NENF: variants seen among roughly 807,000 people sequenced by gnomAD.
The protein encoded by NENF is neudesin.
A neutral mutation model predicts 14.8 loss-of-function variants in NENF; 6 were observed. That is an observed-to-expected ratio of 0.40 (90% CI 0.22 to 0.80). The LOEUF (loss-of-function observed/expected upper bound fraction) is 0.80, where lower values mean the gene tolerates loss of function less well. Ranked by LOEUF, NENF falls within the 30% of genes least tolerant of loss-of-function variation. The probability of loss-of-function intolerance (pLI) is 0.34; values close to 1 mark genes in which losing one functional copy is unlikely to be tolerated. For synonymous variants in NENF, 76 were observed against 95.1 expected, an observed-to-expected ratio of 0.80 and a Z score of 1.17; for missense variants, 184 against 212.7, an observed-to-expected ratio of 0.87 and a Z score of 0.84.
intron 1 of NENF, among the ~76,000 whole-genome samples, chr1:212,437,875 G>C (rs114110198): frequency 1.3e-5 from 2 of 152,110 alleles, no homozygotes; most frequent in South Asian, 4.2e-4. Context: ...AAATCTGGGC[G>C]GGGTGTGGTG....
rs150039332 is a variant in NENF, at chr1:212,442,291, C to T, written c.178-274C>T. ...CCTCCCACAGTGCTGGGATTACAGG[C>T]GTGAGTCACTGTGCCTGGCCCCTGA... is the stretch of plus-strand genomic sequence containing the variant. On this transcript the variant is annotated intron_variant, in intron 1 of 3. Transcript: ENST00000366988. Among the ~76,000 whole-genome samples, 334 of 152,358 alleles carry T rather than the reference C, an allele frequency of 2.2e-3. 1 individual carries two copies. The highest frequency in any genetic ancestry group is 7.1e-3 in the African/African-American group (296 of 41,582).
Position 212,433,051 on chromosome 1 carries a change from C to A in NENF, c.108C>A (p.Arg36=). ...CAGCCCGGGCCGGGCAGACACCGCG[C>A]CCTGCCGAGCGGGGGCCCCCAGTGC... ...LPTARAGQTP[R]PAERGPPVRL... The change falls in exon 1 of 4, where the codon CGC becomes CGA. Residue 36 remains arginine (R), a synonymous_variant. Transcript: ENST00000366988. The surrounding 1 kb of genome is among the most constrained non-coding windows in gnomAD (Gnocchi z 5.5). 1 of 1,190,674 alleles carries A rather than the reference C, an allele frequency of 8.4e-7. No individual in the cohort carries two copies. The highest frequency in any genetic ancestry group is 1.0e-6 in the Non-Finnish European group (1 of 961,184). 73.8% of individuals were successfully genotyped at this position (1,190,674 alleles called of 1,614,324 possible).
chr1:212,445,823 C>A lies in NENF; in HGVS notation c.343-7C>A, dbSNP rs572884105. The A allele has an allele frequency of 3.8e-4, 607 of 1,614,024 alleles. 12 individuals are homozygous for A. In the South Asian group the frequency reaches 6.3e-3, roughly 17 times the overall value. On this transcript the variant is annotated splice_region_variant and splice_polypyrimidine_tract_variant and intron_variant, in intron 3 of 3. Coordinates refer to ENST00000366988, the MANE Select transcript of NENF (RefSeq NM_013349.5). ...TCTCCTGTCTTTCTTGGGCTTTTCT[C>A]CCCAAGACGGGTCTCACGGCCAAGG...
Position 212,434,036 on chromosome 1 carries a change from T to A in NENF, c.177+916T>A, listed in dbSNP as rs1400299916. On this transcript the variant is annotated intron_variant, in intron 1 of 3. Coordinates refer to ENST00000366988, the MANE Select transcript of NENF (RefSeq NM_013349.5). ...TGTTTTTCAAAACCCTCTGGCCTGG[T>A]CTCGCTAATTCCTGAGTTAATTGGC... is the stretch of plus-strand genomic sequence containing the variant. Among the ~76,000 whole-genome samples the A allele has an allele frequency of 3.3e-5, 5 of 152,236 alleles. No individual in the cohort carries two copies. The East Asian group carries it at 9.6e-4, about 29-fold the overall frequency.
Position 212,442,561 on chromosome 1 carries a change from C to A in NENF, c.178-4C>A, listed in dbSNP as rs746543774. 6.2e-7 allele frequency: 1 copy of A among 1,612,196 alleles called. No homozygotes were observed. Among genetic ancestry groups the A allele is most frequent in the Non-Finnish European group, 8.5e-7 (1 of 1,178,384 alleles). ...CTCTTCACAGCTTCTCCCCTGCTTT[C>A]TAGGAAGATCAGCCCATCTACTTGG... On this transcript the variant is annotated splice_region_variant and splice_polypyrimidine_tract_variant and intron_variant, in intron 1 of 3. Transcript: ENST00000366988.
At chr1:212,442,777 C>CT in intron 2 of NENF, 152 bp downstream of exon 2, 1 of 598,162 alleles carries the variant, frequency 1.7e-6, no homozygotes, top group Non-Finnish European at 3.0e-6. Flanking sequence ...GAGTTTCACT[C>CT]TGTCACCCAG....
chr1:212,441,786 C>CA (rs1048982077), intron 1 of NENF, among the ~76,000 whole-genome samples: 21 of 147,286 alleles, frequency 1.4e-4, no homozygotes, highest in African/African-American at 4.0e-4. Context: ...AACTCTGTCT[C>CA]AAAAAAAAAG....
At chr1:212,445,774 C>T (rs1018205708) in intron 3 of NENF, 56 bp from the exon 4 acceptor site, 21 of 1,585,264 alleles carry the variant, frequency 1.3e-5, no homozygotes, top group East Asian at 6.7e-5. Flanking sequence ...AAGGCCAGTG[C>T]CAAACACTAT....
chr1:212,445,793 C>T (rs1325669281), intron 3 of NENF, 37 bp from the exon 4 acceptor site: 1 of 1,609,746 alleles, frequency 6.2e-7, no homozygotes, highest in Non-Finnish European at 8.5e-7. Flanking sequence ...ATCCACTTAA[C>T]CCCATCTCCT....
intron 2 of NENF, 67 bp from the exon 3 acceptor site, chr1:212,444,272 C>T (rs747683698): frequency 2.0e-5 from 21 of 1,074,572 alleles, no homozygotes; most frequent in South Asian, 1.1e-4. Context: ...AGCGCCCCCA[C>T]GTGCAAGCTC....
rs1272615337 is a variant in NENF at position 212,442,559 on chromosome 1, T to G, written c.178-6T>G. On this transcript the variant is annotated splice_region_variant and splice_polypyrimidine_tract_variant and intron_variant, in intron 1 of 3. Transcript: ENST00000366988. ...TCCTCTTCACAGCTTCTCCCCTGCT[T>G]TCTAGGAAGATCAGCCCATCTACTT... The G allele has an allele frequency of 2.5e-6, 4 of 1,611,852 alleles. No homozygotes were observed. The African/African-American group carries it at 4.0e-5, about 16-fold the overall frequency.
chr1:212,439,857 C>T (rs898304771), intron 1 of NENF, among the ~76,000 whole-genome samples: 1 of 149,446 alleles, frequency 6.7e-6, no homozygotes, highest in South Asian at 2.1e-4. Flanking sequence ...TAGACTCCGT[C>T]CCCCCCCCAC....
Position 212,445,774 on chromosome 1 carries a change from C to G in NENF, c.343-56C>G, listed in dbSNP as rs1018205708. 7 of 1,585,264 alleles carry G rather than the reference C, an allele frequency of 4.4e-6. No individual in the cohort carries two copies. In the African/African-American group the frequency reaches 9.4e-5, roughly 21 times the overall value. ...AGGCAGGGATGGAGAAAGGCCAGTG[C>G]CAAACACTATCCACTTAACCCCATC... is the stretch of plus-strand genomic sequence containing the variant. On this transcript the variant is annotated intron_variant, in intron 3 of 3. Transcript: ENST00000366988.
chr1:212,440,166 C>T (rs534171576), intron 1 of NENF, among the ~76,000 whole-genome samples: 38 of 143,916 alleles, frequency 2.6e-4, no homozygotes, highest in African/African-American at 9.3e-4. Context: ...GCAGGAGAAT[C>T]GCTTGAACTG....
intron 1 of NENF, chr1:212,435,030 G>A (rs970098501): frequency 6.6e-6 from 1 of 152,286 alleles, no homozygotes; most frequent in African/African-American, 2.4e-5. Context: ...GTGCTGCGCT[G>A]TTGTTTGACC....
At chr1:212,445,804 G>A (rs757797262) in intron 3 of NENF, 26 bp from the exon 4 acceptor site, 1 of 1,612,698 alleles carries the variant, frequency 6.2e-7, no homozygotes, top group South Asian at 1.1e-5. Context: ...CCCATCTCCT[G>A]TCTTTCTTGG....
chr1:212,435,203 CTTTG>C (rs1277958330), intron 1 of NENF, among the ~76,000 whole-genome samples: 1 of 152,182 alleles, frequency 6.6e-6, no homozygotes, highest in Non-Finnish European at 1.5e-5. Context: ...TGAGTCTCCA[CTTTG>C]TTCGTAAGAT....
At chr1:212,439,344 C>T (rs1260373722) in intron 1 of NENF, among the ~76,000 whole-genome samples, 1 of 150,780 alleles carries the variant, frequency 6.6e-6, no homozygotes, top group East Asian at 2.0e-4. Context: ...ACCAGCCTGA[C>T]CAACATGGAG....
At chr1:212,445,659 GC>G (rs916204064) in intron 3 of NENF, among the ~76,000 whole-genome samples, 170 bp from the exon 4 acceptor site, 16 of 75,062 alleles carry the variant, frequency 2.1e-4, no homozygotes, top group South Asian at 4.8e-4. Flanking sequence ...CCACCCCCAC[GC>G]CCCCCCCACA....
Sources: gnomAD v4.1 joint callset for allele counts (sites outside exome capture counted in the v4.1 genomes callset) on GRCh38, gnomAD v4.1.1 for gene constraint, Gnocchi (gnomAD v3.1) non-coding constraint, MANE v1.5 for transcripts, NCBI Gene and HGNC (gene_info 2026-07-23, HGNC 2026-07-21) for gene names.